The following ADAMTS3 variants were observed in gnomAD, a reference collection of about 807,000 sequenced individuals.
ADAMTS3 encodes A disintegrin and metalloproteinase with thrombospondin motifs 3.
Under a neutral mutation model 129.0 loss-of-function variants are expected in ADAMTS3, and 73 were observed. The observed-to-expected ratio is 0.57, with a 90% confidence interval of 0.47 to 0.69. The LOEUF (loss-of-function observed/expected upper bound fraction) is 0.69. ADAMTS3 is among the 30% of genes least tolerant of loss of function. The pLI is 0.00. For synonymous variants in ADAMTS3, 477 were observed against 510.8 expected (o/e 0.93, Z 0.89); for missense variants, 1,457 against 1,514.5 (o/e 0.96, Z 0.63).
rs571342585 is a variant in ADAMTS3 at position 72,370,801 on chromosome 4, T to TAA, written c.662-31110_662-31109dup. On this transcript the variant is annotated intron_variant, in intron 4 of 21. Transcript: ENST00000286657. Reference sequence around the variant, plus strand: ...AGGGAAAAAGTTAAGATGGTAGGTATAATCCCAAATATATCACGAATTATT... The same window carrying TAA: ...AGGGAAAAAGTTAAGATGGTAGGTATAAAATCCCAAATATATCACGAATTATT... 3.2e-3 allele frequency among the ~76,000 whole-genome samples: 490 copies of TAA among 152,238 alleles called. 1 individual carries two copies. Among genetic ancestry groups the TAA allele is most frequent in the Non-Finnish European group, 6.0e-3 (410 of 68,000 alleles).
intron 2 of ADAMTS3, among the ~76,000 whole-genome samples, chr4:72,550,423 G>C (rs1037895670): frequency 6.6e-6 from 1 of 152,140 alleles, no homozygotes; most frequent in African/African-American, 2.4e-5. Context: ...GCATTTACTT[G>C]TGCAACATTT....
intron 3 of ADAMTS3, among the ~76,000 whole-genome samples, chr4:72,478,457 A>C (rs1719311026): frequency 6.7e-6 from 1 of 149,476 alleles, no homozygotes; most frequent in South Asian, 2.2e-4. Flanking sequence ...GATTATCTCA[A>C]TAGATGCAGA....
chr4:72,533,695 A>ATG (rs1283884036), intron 3 of ADAMTS3, among the ~76,000 whole-genome samples: 37 of 40,060 alleles, frequency 9.2e-4, no homozygotes, highest in East Asian at 2.6e-3. Context: ...ATGTATATAT[A>ATG]CTTTTTTCTT....
Position 72,562,350 on chromosome 4 carries a change from A to G in ADAMTS3, c.97+5024T>C, listed in dbSNP as rs151198143. On this transcript the variant is annotated intron_variant, in intron 2 of 21. Transcript: ENST00000286657. ...GTATCATGTGAATTTGTTTTTACTC[A>G]GTAACCAACTTGTGGGGCTCTCTCC... Among the ~76,000 whole-genome samples the G allele has an allele frequency of 5.6e-3, 850 of 152,322 alleles. 9 individuals are homozygous for G. Among genetic ancestry groups the G allele is most frequent in the African/African-American group, 0.019 (773 of 41,570 alleles).
intron 4 of ADAMTS3, among the ~76,000 whole-genome samples, chr4:72,392,665 A>T (rs893657417): frequency 2.0e-5 from 3 of 152,160 alleles, no homozygotes; most frequent in South Asian, 4.1e-4. Context: ...AGGAATATAA[A>T]TTTTTTCACT....
intron 3 of ADAMTS3, among the ~76,000 whole-genome samples, chr4:72,494,386 A>C (rs1403668631): frequency 6.6e-6 from 1 of 151,916 alleles, no homozygotes; most frequent in Non-Finnish European, 1.5e-5. Flanking sequence ...CATTCCATTC[A>C]TTGTATTCTT....
At chr4:72,469,554 C>A (rs1049437362) in intron 3 of ADAMTS3, among the ~76,000 whole-genome samples, 8 of 152,110 alleles carry the variant, frequency 5.3e-5, no homozygotes, top group African/African-American at 1.9e-4. Context: ...GCTATCTAAT[C>A]CCTCACCTCT....
chr4:72,291,925 A>G (rs1718682244), intron 19 of ADAMTS3, among the ~76,000 whole-genome samples: 1 of 151,960 alleles, frequency 6.6e-6, no homozygotes, highest in African/African-American at 2.4e-5. Flanking sequence ...TTAATGCCCT[A>G]TTTTTTTCTG....
chr4:72,339,452 A>C, intron 5 of ADAMTS3, 42 bp downstream of exon 5: 1 of 1,593,584 alleles, frequency 6.3e-7, no homozygotes, highest in Non-Finnish European at 8.6e-7. Flanking sequence ...AAGAGAAGTG[A>C]ATTAAAAGAT....
chr4:72,315,538 T>A (rs1719370859), intron 11 of ADAMTS3, among the ~76,000 whole-genome samples: 1 of 152,092 alleles, frequency 6.6e-6, no homozygotes, highest in South Asian at 2.1e-4. Context: ...AAAGAAAAGA[T>A]TCTCCACTAC....
chr4:72,437,000 T>G (rs1717953067), intron 3 of ADAMTS3, among the ~76,000 whole-genome samples: 1 of 151,780 alleles, frequency 6.6e-6, no homozygotes, highest in Non-Finnish European at 1.5e-5. Flanking sequence ...GAACTTAAAA[T>G]ATAATAATAA....
chr4:72,521,949 T>C (rs1294552495), intron 3 of ADAMTS3, among the ~76,000 whole-genome samples: 1 of 152,180 alleles, frequency 6.6e-6, no homozygotes, highest in African/African-American at 2.4e-5. Context: ...GATTTCTAAT[T>C]GAGGTGGCTC....
At chr4:72,303,529 C>T (rs1249130736) in intron 17 of ADAMTS3, among the ~76,000 whole-genome samples, 1 of 151,694 alleles carries the variant, frequency 6.6e-6, no homozygotes, top group African/African-American at 2.4e-5. Flanking sequence ...TACACCCACA[C>T]CACAAGAAAT....
intron 4 of ADAMTS3, among the ~76,000 whole-genome samples, chr4:72,389,539 AAATC>A (rs201905407): frequency 4.7e-4 from 71 of 151,356 alleles, no homozygotes; most frequent in African/African-American, 1.6e-3. Flanking sequence ...CAAAAAAAAA[AAATC>A]ATACAAACAA....
At chr4:72,347,902 T>C (rs1002367935) in intron 4 of ADAMTS3, among the ~76,000 whole-genome samples, 6 of 151,982 alleles carry the variant, frequency 3.9e-5, no homozygotes, top group African/African-American at 1.4e-4. Context: ...AAGCTCATGT[T>C]ACTTCCCTCA....
chr4:72,540,142 G>A (rs1468449333), intron 3 of ADAMTS3, among the ~76,000 whole-genome samples: 1 of 152,156 alleles, frequency 6.6e-6, no homozygotes, highest in Admixed American at 6.5e-5. Context: ...TGACCAAAAT[G>A]CTGATAATGA....
At chr4:72,480,517 G>A (rs1226362654) in intron 3 of ADAMTS3, among the ~76,000 whole-genome samples, 7 of 151,936 alleles carry the variant, frequency 4.6e-5, no homozygotes, top group Non-Finnish European at 1.0e-4. Context: ...GACACAGGAA[G>A]GGGAACATAA....
intron 4 of ADAMTS3, among the ~76,000 whole-genome samples, chr4:72,392,924 T>C (rs998140177): frequency 8.6e-5 from 13 of 151,738 alleles, no homozygotes; most frequent in African/African-American, 3.1e-4. Flanking sequence ...GATTTTTTTT[T>C]TTTTTCTTTT....
chr4:72,433,140 C>T (rs186647526), intron 3 of ADAMTS3, among the ~76,000 whole-genome samples: 124 of 152,022 alleles, frequency 8.2e-4, no homozygotes, highest in African/African-American at 2.7e-3. Flanking sequence ...TCAACCAAAA[C>T]TAACCCTGAT....
Sources: gnomAD v4.1 joint callset for allele counts (sites outside exome capture counted in the v4.1 genomes callset) on GRCh38, gnomAD v4.1.1 for gene constraint, MANE v1.5 for transcripts, NCBI Gene and HGNC (gene_info 2026-07-23, HGNC 2026-07-21) for gene names.